The following RBFOX1 variants were observed in gnomAD, a reference collection of about 807,000 sequenced individuals.
RBFOX1 encodes the protein RNA binding fox-1 homolog 1, also known as RNA binding protein fox-1 homolog 1.
Under a neutral mutation model 57.7 loss-of-function variants are expected in RBFOX1, and 8 were observed. The observed-to-expected ratio is 0.14, with a 90% CI of 0.08 to 0.25. The LOEUF is 0.25. RBFOX1 is among the 10% of genes least tolerant of loss of function. The probability of loss-of-function intolerance (pLI) is 1.00; values close to 1 mark genes in which losing one functional copy is unlikely to be tolerated. For missense variants in RBFOX1, 611 were observed against 548.5 expected (o/e 1.11, Z -1.14); for synonymous variants, 326 against 222.4 (o/e 1.47, Z -4.15).
chr16:6,651,350 T>G (rs2098593889), intron 2 of RBFOX1, among the ~76,000 whole-genome samples: 1 of 150,382 alleles, frequency 6.6e-6, no homozygotes, highest in African/African-American at 2.5e-5. Flanking sequence ...TTTAAAGACG[T>G]CCCATTGATT....
intron 4 of RBFOX1, among the ~76,000 whole-genome samples, chr16:5,882,266 A>T (rs2057782011): frequency 6.6e-6 from 1 of 152,180 alleles, no homozygotes; most frequent in South Asian, 2.1e-4. Flanking sequence ...CCCATTTTAC[A>T]GATTGGGCAA....
intron 4 of RBFOX1, among the ~76,000 whole-genome samples, chr16:7,331,274 C>G (rs570931823): frequency 5.3e-5 from 8 of 152,232 alleles, no homozygotes; most frequent in African/African-American, 1.4e-4. Flanking sequence ...AAGCTCTCTC[C>G]CAGTTTCAAC....
chr16:7,002,661 G>C (rs530312594), intron 3 of RBFOX1, among the ~76,000 whole-genome samples: 1 of 152,142 alleles, frequency 6.6e-6, no homozygotes, highest in African/African-American at 2.4e-5. Flanking sequence ...GCAGGGAGCC[G>C]AGATTGCGCC....
At chr16:6,511,739 T>C (rs150187331) in intron 2 of RBFOX1, among the ~76,000 whole-genome samples, 9 of 152,308 alleles carry the variant, frequency 5.9e-5, no homozygotes, top group East Asian at 3.9e-4. Flanking sequence ...ACATGCACTA[T>C]AGATGGATTT....
intron 3 of RBFOX1, among the ~76,000 whole-genome samples, chr16:6,717,247 A>G (rs2065012252): frequency 1.3e-5 from 2 of 152,088 alleles, no homozygotes. Context: ...TAAAAAAAAA[A>G]GATACCCATT....
Position 6,195,903 on chromosome 16 carries a change from AAG to A in RBFOX1, c.-126-121088_-126-121087del, listed in dbSNP as rs530206558. On this transcript the variant is annotated intron_variant, in intron 1 of 15. Coordinates refer to ENST00000550418, the MANE Select transcript of RBFOX1 (RefSeq NM_018723.4). ...ATCATGATCCTAACACATCTCCAGA[AAG>A]AGATAAACGGGCTTGAGAAGAAGCA... is the stretch of plus-strand genomic sequence containing the variant. Among the ~76,000 whole-genome samples, 28 of 152,298 alleles carry A rather than the reference AAG, an allele frequency of 1.8e-4. No individual in the cohort carries two copies. In the East Asian group the frequency reaches 4.8e-3, roughly 26 times the overall value.
At chr16:5,253,544 G>C (rs1475114640) in intron 1 of RBFOX1, among the ~76,000 whole-genome samples, 1 of 152,224 alleles carries the variant, frequency 6.6e-6, no homozygotes, top group Admixed American at 6.5e-5. Context: ...TATGTGTCCA[G>C]CTGGCTTGGA....
chr16:6,702,690 G>T (rs1469178630), intron 3 of RBFOX1, among the ~76,000 whole-genome samples: 2 of 152,128 alleles, frequency 1.3e-5, no homozygotes, highest in African/African-American at 2.4e-5. Flanking sequence ...ATAAAATCCT[G>T]TACGGCAGAT....
At chr16:5,788,993 A>C (rs1485180060) in intron 3 of RBFOX1, among the ~76,000 whole-genome samples, 1 of 152,130 alleles carries the variant, frequency 6.6e-6, no homozygotes, top group Non-Finnish European at 1.5e-5. Flanking sequence ...ATGCTCTTCC[A>C]CTTCCAGCTG....
chr16:7,020,577 G>T (rs551294088), intron 3 of RBFOX1, among the ~76,000 whole-genome samples: 1 of 152,246 alleles, frequency 6.6e-6, no homozygotes, highest in East Asian at 1.9e-4. Flanking sequence ...AAGGAATCTA[G>T]GTCAATATCT....
chr16:6,489,427 T>C (rs906043998), intron 2 of RBFOX1, among the ~76,000 whole-genome samples: 4 of 152,162 alleles, frequency 2.6e-5, no homozygotes, highest in South Asian at 2.1e-4. Context: ...GAGATTGTTA[T>C]TGTTTTTATC....
chr16:5,293,517 C>T (rs532403063), intron 1 of RBFOX1, among the ~76,000 whole-genome samples: 2 of 152,324 alleles, frequency 1.3e-5, no homozygotes, highest in South Asian at 4.1e-4. Flanking sequence ...AATACCAAGG[C>T]TCTCTCTCAC....
intron 4 of RBFOX1, among the ~76,000 whole-genome samples, chr16:7,438,559 A>T (rs1188881476): frequency 6.6e-6 from 1 of 152,034 alleles, no homozygotes; most frequent in Non-Finnish European, 1.5e-5. Flanking sequence ...CAGACTCCTC[A>T]CTCATTTGTA....
intron 2 of RBFOX1, among the ~76,000 whole-genome samples, chr16:6,616,730 C>T (rs751673687): frequency 3.9e-5 from 6 of 152,258 alleles, no homozygotes; most frequent in South Asian, 2.1e-4. Flanking sequence ...CCACCATGCC[C>T]GGCAATAAGT....
chr16:6,897,047 C>G (rs917178667), intron 3 of RBFOX1, among the ~76,000 whole-genome samples: 5 of 152,198 alleles, frequency 3.3e-5, no homozygotes, highest in African/African-American at 1.2e-4. Flanking sequence ...CCTGAGCTCT[C>G]CACACCTTCC....
intron 3 of RBFOX1, among the ~76,000 whole-genome samples, chr16:6,988,050 G>A (rs1201652826): frequency 2.6e-5 from 4 of 152,138 alleles, no homozygotes; most frequent in South Asian, 4.1e-4. Context: ...AATGCTATTA[G>A]TTACCCCACA....
intron 3 of RBFOX1, among the ~76,000 whole-genome samples, chr16:5,709,843 A>ATTTTTTTTTTTTTTTTTT (rs35733374): frequency 8.1e-5 from 1 of 12,320 alleles, no homozygotes; most frequent in African/African-American, 3.4e-4. Context: ...ATATATATAT[A>ATTTTTTTTTTTTTTTTTT]TTTTTTTTTT....
At chr16:7,326,199 G>A (rs1381756990) in intron 4 of RBFOX1, among the ~76,000 whole-genome samples, 1 of 152,204 alleles carries the variant, frequency 6.6e-6, no homozygotes, top group Non-Finnish European at 1.5e-5. Flanking sequence ...CACAGGGATT[G>A]AGGAGGTGGT....
At chr16:6,511,911 A>G (rs1598569011) in intron 2 of RBFOX1, among the ~76,000 whole-genome samples, 1 of 152,080 alleles carries the variant, frequency 6.6e-6, no homozygotes, top group Admixed American at 6.5e-5. Context: ...TGTCTATTTC[A>G]TAAAGTTCAG....
Sources: gnomAD v4.1 joint callset for allele counts (sites outside exome capture counted in the v4.1 genomes callset) on GRCh38, gnomAD v4.1.1 for gene constraint, MANE v1.5 for transcripts, NCBI Gene and HGNC (gene_info 2026-07-23, HGNC 2026-07-21) for gene names.